The following DACT2 variants were observed in gnomAD, a reference collection of about 807,000 sequenced individuals.
The protein encoded by DACT2 is dapper homolog 2.
In DACT2, 20 loss-of-function variants were observed where a neutral mutation model predicts 22.2. That is an observed-to-expected ratio of 0.90 (90% CI 0.63 to 1.31). The LOEUF (loss-of-function observed/expected upper bound fraction) is 1.31. DACT2 is among the 50% of genes most tolerant of loss of function. DACT2 has a pLI of 0.00. For missense variants in DACT2, 1,048 were observed against 1,061.4 expected, an observed-to-expected ratio of 0.99 and a Z score of 0.18; for synonymous variants, 463 against 479.8, an observed-to-expected ratio of 0.96 and a Z score of 0.46.
rs192935251 is a variant in DACT2, at chr6:168,308,529, G to C, written c.1228C>G (p.Pro410Ala). 2,686 of 1,551,126 alleles carry C rather than the reference G, an allele frequency of 1.7e-3. 17 individuals are homozygous for C. The highest frequency in any genetic ancestry group is 1.2e-3 in the Non-Finnish European group (1,331 of 1,146,954). ...RGGPQQQGYM[P>A]LEGPQQSGSL... ...CCAGACTGCTGGGGACCCTCAAGGGGCATGTATCCCTGCTGCTGGGGCCCG... is the reference window on the plus strand; with the variant it reads ...CCAGACTGCTGGGGACCCTCAAGGGCCATGTATCCCTGCTGCTGGGGCCCG... The change falls in exon 4 of 4, where the codon CCC (proline) becomes GCC (alanine). Residue 410 changes from proline (P) to alanine (A), a missense_variant. By Grantham distance (27) the Pro-to-Ala change is conservative. Coordinates refer to ENST00000366795, the MANE Select transcript of DACT2 (RefSeq NM_214462.5).
intron 3 of DACT2, among the ~76,000 whole-genome samples, chr6:168,301,492 T>C (rs965295189): frequency 6.6e-6 from 1 of 152,182 alleles, no homozygotes; most frequent in African/African-American, 2.4e-5. Flanking sequence ...TTGCCATCTT[T>C]AGTGAGAGCC....
chr6:168,305,898 A>G (rs1779195453), downstream of DACT2, among the ~76,000 whole-genome samples: 1 of 152,204 alleles, frequency 6.6e-6, no homozygotes, highest in Non-Finnish European at 1.5e-5. Context: ...CAGGAAGGGC[A>G]GGTGAAATTG....
rs117884613 is a variant in DACT2 at position 168,310,062 on chromosome 6, C to T, written c.658+106G>A. On this transcript the variant is annotated intron_variant, in intron 3 of 3. Transcript: ENST00000366795. Reference sequence around the variant, plus strand: ...TCCAGCGTCCCTTAGAGCCTGACAGCGTGCTCCGTGTAGGGTCCCCGGCTC... The same window carrying T: ...TCCAGCGTCCCTTAGAGCCTGACAGTGTGCTCCGTGTAGGGTCCCCGGCTC... 5.8e-3 allele frequency: 8,496 copies of T among 1,459,644 alleles called. 41 individuals are homozygous for T. Among genetic ancestry groups the T allele is most frequent in the Non-Finnish European group, 6.9e-3 (7,584 of 1,103,406 alleles). The allele number at this position is 1,459,644 out of a possible 1,614,324, so 90.4% of individuals were successfully genotyped here.
downstream of DACT2, among the ~76,000 whole-genome samples, chr6:168,302,375 C>A (rs977019504): frequency 3.9e-5 from 6 of 152,284 alleles, no homozygotes; most frequent in East Asian, 3.9e-4. Context: ...TTTTTGGGAC[C>A]ATTTACCCAC....
chr6:168,297,740 A>G lies in DACT2; in HGVS notation c.659-3036T>C, dbSNP rs554523097. ...GAGAGTCTTGCTTGCGTGGACAGAA[A>G]GACAGAGAGATGGATGTTTGCTGCA... On this transcript the variant is annotated intron_variant, in intron 3 of 5. Coordinates refer to the DACT2 transcript ENST00000366796. 3.3e-5 allele frequency among the ~76,000 whole-genome samples: 5 copies of G among 152,370 alleles called. No individual in the cohort carries two copies. In the East Asian group the frequency reaches 9.6e-4, roughly 29 times the overall value.
chr6:168,305,837 G>A (rs1158915655), downstream of DACT2, among the ~76,000 whole-genome samples: 2 of 152,194 alleles, frequency 1.3e-5, no homozygotes, highest in Non-Finnish European at 1.5e-5. Context: ...TTCAATGCAG[G>A]TGTTTAGAAA....
intron 3 of DACT2, chr6:168,299,311 T>C (rs899967948): frequency 6.6e-5 from 10 of 152,178 alleles, no homozygotes; most frequent in African/African-American, 2.4e-4. Flanking sequence ...ATGCTTGGTG[T>C]CAGCTCTTCT....
chr6:168,307,456 G>A lies in DACT2; in HGVS notation c.2301C>T (p.Ala767=). 6.4e-7 allele frequency: 1 copy of A among 1,551,662 alleles called. No homozygotes were observed. The highest frequency in any genetic ancestry group is 8.7e-7 in the Non-Finnish European group (1 of 1,146,994). ...KKKIRRFQPT[A]LKVMTMV Reference sequence around the variant, plus strand: ...CTCACACCATGGTCATGACCTTCAGGGCCGTCGGCTGGAACCTGCGGATCT... The same window carrying A: ...CTCACACCATGGTCATGACCTTCAGAGCCGTCGGCTGGAACCTGCGGATCT... The change falls in exon 4 of 4, where the codon GCC becomes GCT. Residue 767 remains alanine (A), a synonymous_variant. Coordinates refer to ENST00000366795, the MANE Select transcript of DACT2 (RefSeq NM_214462.5). The surrounding 1 kb of genome is among the most constrained non-coding windows in gnomAD (Gnocchi z 5.3).
chr6:168,304,296 C>A (rs970587742), downstream of DACT2, among the ~76,000 whole-genome samples: 1 of 152,208 alleles, frequency 6.6e-6, no homozygotes, highest in Non-Finnish European at 1.5e-5. Context: ...ATTCAGGAGA[C>A]GAATGTTCAC....
chr6:168,310,300 G>A lies in DACT2; in HGVS notation c.526C>T (p.Pro176Ser), dbSNP rs1180643063. Residue 176 changes from proline (P) to serine (S), a missense_variant, in exon 3 of 4, where the codon CCC becomes TCC. By Grantham distance (74) the Pro-to-Ser change is moderately conservative. Coordinates refer to ENST00000366795, the MANE Select transcript of DACT2 (RefSeq NM_214462.5). ...KARPSMGDWRPRSVDETTVPA... is the reference protein window; with the variant it reads ...KARPSMGDWRSRSVDETTVPA... ...ACAGTAGTCTCATCAACCGACCGGG[G>A]CCTCCAGTCCCCCATGCTGGGCCTG... The A allele has an allele frequency of 2.6e-6, 4 of 1,551,612 alleles. No individual in the cohort carries two copies. Among genetic ancestry groups the A allele is most frequent in the South Asian group, 1.2e-5 (1 of 84,050 alleles).
intron 1 of DACT2, among the ~76,000 whole-genome samples, chr6:168,314,024 C>A (rs528936517): frequency 1.2e-4 from 17 of 138,290 alleles, no homozygotes; most frequent in South Asian, 7.2e-4. Flanking sequence ...GCTTGTAACC[C>A]CGACCGCTGT....
chr6:168,301,672 C>G (rs1192816089), intron 3 of DACT2, among the ~76,000 whole-genome samples: 2 of 152,244 alleles, frequency 1.3e-5, no homozygotes, highest in Non-Finnish European at 2.9e-5. Context: ...GTCCCCAGAG[C>G]CTGGCCTCCA....
At position 168,307,204 on chromosome 6, in the gene DACT2, A is replaced by G; in HGVS notation, c.*228T>C. 7.2e-7 allele frequency: 1 copy of G among 1,388,522 alleles called. No homozygotes were observed. The highest frequency in any genetic ancestry group is 9.3e-7 in the Non-Finnish European group (1 of 1,076,016). The allele number at this position is 1,388,522 out of a possible 1,614,324, so 86.0% of individuals were successfully genotyped here. A position where few individuals can be genotyped will look rare whatever the true frequency, so the allele number is the denominator to read the frequency against. On this transcript the variant is annotated 3_prime_UTR_variant, in exon 4 of 4. Coordinates refer to ENST00000366795, the MANE Select transcript of DACT2 (RefSeq NM_214462.5). The surrounding 1 kb of genome is among the most constrained non-coding windows in gnomAD (Gnocchi z 5.3). ...AAAAGAGACACTAGGTCGGCCGGGG[A>G]GGCTGCTGGCATCTGAAACCAGAGC...
chr6:168,303,346 G>T (rs1377244975), downstream of DACT2, among the ~76,000 whole-genome samples: 1 of 152,180 alleles, frequency 6.6e-6, no homozygotes, highest in Non-Finnish European at 1.5e-5. Flanking sequence ...GGGTCCTGGA[G>T]GTTTCTGGGT....
Position 168,294,278 on chromosome 6 carries a change from G to A in DACT2, c.731-81C>T, listed in dbSNP as rs60418139. On this transcript the variant is annotated intron_variant, in intron 4 of 5. Transcript: ENST00000366796. ...TCACATCTGTCCCCGAATGCTTGCC[G>A]TTTCACTGGGGCTAGGTGTGAGGAC... 3,342 of 702,088 alleles carry A rather than the reference G, an allele frequency of 4.8e-3. 23 individuals carry two copies. Among genetic ancestry groups the A allele is most frequent in the African/African-American group, 0.03 (1,699 of 57,326 alleles). 43.5% of individuals were successfully genotyped at this position (702,088 alleles called of 1,614,324 possible).
intron 3 of DACT2, among the ~76,000 whole-genome samples, chr6:168,301,158 C>T (rs533436574): frequency 5.3e-5 from 8 of 152,318 alleles, no homozygotes; most frequent in Non-Finnish European, 7.4e-5. Context: ...CTCCGGAGGC[C>T]GAGCAGCCTG....
At chr6:168,314,544 C>T (rs901771326) in intron 1 of DACT2, among the ~76,000 whole-genome samples, 1 of 152,078 alleles carries the variant, frequency 6.6e-6, no homozygotes, top group Non-Finnish European at 1.5e-5. Flanking sequence ...CAGGGGGTAC[C>T]GTTAAAAAAA....
chr6:168,304,564 C>A (rs866479132), downstream of DACT2, among the ~76,000 whole-genome samples: 1 of 152,214 alleles, frequency 6.6e-6, no homozygotes, highest in Admixed American at 6.5e-5. Flanking sequence ...GGTGCCTGGG[C>A]GATGTTTGCA....
At chr6:168,303,180 C>T (rs9456046), downstream of DACT2, among the ~76,000 whole-genome samples, 22,789 of 152,152 alleles carry the variant, frequency 0.15, 2,266 homozygotes, top group African/African-American at 0.29. Context: ...CGTTTTCCAT[C>T]AGGCTTTATG....
Sources: allele counts gnomAD v4.1 joint callset (sites outside exome capture counted in the v4.1 genomes callset), GRCh38; gene constraint gnomAD v4.1.1; non-coding constraint Gnocchi (gnomAD v3.1); transcripts MANE v1.5; gene names NCBI Gene and HGNC (gene_info 2026-07-23, HGNC 2026-07-21).